DOCK8: variants seen among roughly 807,000 people sequenced by gnomAD.
DOCK8 encodes the protein dedicator of cytokinesis 8.
In DOCK8, 141 loss-of-function variants were observed where a neutral mutation model predicts 245.6. That is an observed-to-expected ratio of 0.57 (90% confidence interval 0.50 to 0.66). The LOEUF (loss-of-function observed/expected upper bound fraction) is 0.66, where lower values mean the gene tolerates loss of function less well. Ranked by LOEUF, DOCK8 falls within the 30% of genes least tolerant of loss-of-function variation. The pLI, the probability that DOCK8 is intolerant of heterozygous loss-of-function variation, is 0.00. For synonymous variants in DOCK8, 1,168 were observed against 970.2 expected, an observed-to-expected ratio of 1.20 and a Z score of -3.79; for missense variants, 2,965 against 2,603.4, an observed-to-expected ratio of 1.14 and a Z score of -3.02.
chr9:420,037 A>G (rs2056209751), intron 30 of DOCK8: 2 of 336,262 alleles, frequency 5.9e-6, no homozygotes, highest in South Asian at 5.7e-5. Context: ...ATACTTGGAG[A>G]TCTTAGCAGC....
intron 20 of DOCK8, 42 bp downstream of exon 20, chr9:377,253 G>A (rs893381566): frequency 1.3e-6 from 2 of 1,501,464 alleles, no homozygotes; most frequent in Admixed American, 2.0e-5. Context: ...GCAGGAGCAA[G>A]CAAGCATTGC....
chr9:351,018 T>A (rs141530874), intron 14 of DOCK8, among the ~76,000 whole-genome samples: 17 of 152,296 alleles, frequency 1.1e-4, no homozygotes, highest in Admixed American at 1.0e-3. Flanking sequence ...ATGAGGCCGA[T>A]TGACAATTAG....
chr9:447,827 A>G (rs1172736769), intron 44 of DOCK8, among the ~76,000 whole-genome samples: 1 of 152,200 alleles, frequency 6.6e-6, no homozygotes, highest in Non-Finnish European at 1.5e-5. Flanking sequence ...TCAGCTGGGT[A>G]ACCACATCAG....
chr9:421,109 G>C, intron 32 of DOCK8, 31 bp downstream of exon 32: 1 of 1,613,424 alleles, frequency 6.2e-7, no homozygotes, highest in Non-Finnish European at 8.5e-7. Flanking sequence ...CCTGCTCTCT[G>C]TCAAGCAGTT....
intron 1 of DOCK8, among the ~76,000 whole-genome samples, chr9:222,061 A>T (rs2046894716): frequency 6.6e-6 from 1 of 151,954 alleles, no homozygotes. Flanking sequence ...GGAGTTCAAG[A>T]CCAGCCTGAG....
chr9:277,513 C>T (rs1433932634), intron 2 of DOCK8, among the ~76,000 whole-genome samples: 2 of 135,314 alleles, frequency 1.5e-5, no homozygotes, highest in Non-Finnish European at 3.0e-5. Context: ...GAGTAACATA[C>T]AAGAGAAGAG....
At chr9:338,226 C>T (rs947158485) in intron 12 of DOCK8, among the ~76,000 whole-genome samples, 7 of 152,032 alleles carry the variant, frequency 4.6e-5, no homozygotes, top group African/African-American at 1.4e-4. Flanking sequence ...AAAATAAACT[C>T]GCTTGGTCTG....
chr9:400,591 C>T, intron 26 of DOCK8, among the ~76,000 whole-genome samples: 1 of 115,726 alleles, frequency 8.6e-6, no homozygotes. Context: ...CCATCACCAC[C>T]ACCTCCACCA....
chr9:376,172 A>T, intron 18 of DOCK8, 38 bp from the exon 19 acceptor site: 1 of 1,427,712 alleles, frequency 7.0e-7, no homozygotes, highest in Non-Finnish European at 9.9e-7. Context: ...AGAAAAGGGA[A>T]TTGGATTGCT....
At chr9:343,665 C>G (rs139020219) in intron 14 of DOCK8, among the ~76,000 whole-genome samples, 2 of 152,134 alleles carry the variant, frequency 1.3e-5, no homozygotes, top group African/African-American at 4.8e-5. Flanking sequence ...AACTTAGTCC[C>G]CACGTCTCCC....
intron 5 of DOCK8, among the ~76,000 whole-genome samples, chr9:306,030 T>C (rs2049812084): frequency 6.6e-6 from 1 of 152,144 alleles, no homozygotes; most frequent in Non-Finnish European, 1.5e-5. Flanking sequence ...TATACTGCAG[T>C]GTGAATGTGT....
intron 32 of DOCK8, among the ~76,000 whole-genome samples, chr9:421,292 A>C (rs2056268465): frequency 6.6e-6 from 1 of 152,172 alleles, no homozygotes; most frequent in South Asian, 2.1e-4. Context: ...GAACCCTGAA[A>C]ACAGCACCAA....
intron 43 of DOCK8, among the ~76,000 whole-genome samples, chr9:445,512 A>G (rs1286246944): frequency 1.3e-5 from 2 of 152,214 alleles, no homozygotes; most frequent in Non-Finnish European, 2.9e-5. Flanking sequence ...CCTAGGCAGT[A>G]AAATTCAGTT....
At chr9:230,969 C>T (rs1047805055) in intron 1 of DOCK8, among the ~76,000 whole-genome samples, 66 of 152,138 alleles carry the variant, frequency 4.3e-4, no homozygotes, top group African/African-American at 1.5e-3. Context: ...GACATGAAGT[C>T]CTTGCCCATG....
At chr9:437,095 C>A (rs1409541120) in intron 39 of DOCK8, among the ~76,000 whole-genome samples, 1 of 152,156 alleles carries the variant, frequency 6.6e-6, no homozygotes, top group Admixed American at 6.5e-5. Flanking sequence ...ATGGGACATA[C>A]CAAATCAATT....
chr9:450,590 C>T (rs1227988019), intron 45 of DOCK8, among the ~76,000 whole-genome samples: 8 of 152,138 alleles, frequency 5.3e-5, no homozygotes, highest in Admixed American at 2.0e-4. Context: ...CACACTTCCA[C>T]GGCAGTTATT....
At chr9:371,400 A>G in intron 16 of DOCK8, 28 bp from the exon 17 acceptor site, 1 of 1,614,020 alleles carries the variant, frequency 6.2e-7, no homozygotes, top group Non-Finnish European at 8.5e-7. Flanking sequence ...GCTAAAAGTT[A>G]TTTGTGTATA....
chr9:430,074 T>G (rs1475599598), intron 36 of DOCK8, among the ~76,000 whole-genome samples: 1 of 152,194 alleles, frequency 6.6e-6, no homozygotes, highest in African/African-American at 2.4e-5. Flanking sequence ...TCAGTGTGTT[T>G]CTAAAATAGA....
intron 1 of DOCK8, among the ~76,000 whole-genome samples, chr9:246,284 C>G (rs1394837004): frequency 2.0e-5 from 3 of 152,014 alleles, no homozygotes; most frequent in Admixed American, 2.0e-4. Flanking sequence ...ACTGGAAGGC[C>G]AAGTCTGGAC....
Sources: gnomAD v4.1 joint callset for allele counts (sites outside exome capture counted in the v4.1 genomes callset) on GRCh38, gnomAD v4.1.1 for gene constraint, MANE v1.5 for transcripts, NCBI Gene and HGNC (gene_info 2026-07-23, HGNC 2026-07-21) for gene names.